ABHD13: variants seen among roughly 807,000 people sequenced by gnomAD.
ABHD13 encodes protein ABHD13.
ABHD13 carries 7 observed loss-of-function variants against 25.2 expected under a neutral mutation model. That is an observed-to-expected ratio of 0.28 (90% CI 0.16 to 0.52). The LOEUF (loss-of-function observed/expected upper bound fraction) is 0.52, where lower values mean the gene tolerates loss of function less well. ABHD13 is among the 20% of genes least tolerant of loss of function. The pLI is 0.96. For missense variants in ABHD13, 302 were observed against 402.7 expected, an observed-to-expected ratio of 0.75 and a Z score of 2.14; for synonymous variants, 133 against 136.1, an observed-to-expected ratio of 0.98 and a Z score of 0.16.
intron 1 of ABHD13, among the ~76,000 whole-genome samples, chr13:108,220,173 T>C (rs7322498): frequency 0.33 from 50,588 of 151,994 alleles, 8,656 homozygotes; most frequent in Admixed American, 0.42. Context: ...AGACCATGAC[T>C]CAAAACACTG....
chr13:108,223,860 C>G (rs935764854), intron 1 of ABHD13, among the ~76,000 whole-genome samples: 3 of 152,164 alleles, frequency 2.0e-5, no homozygotes, highest in African/African-American at 7.2e-5. Context: ...CTAAATTCCT[C>G]TATGCTATCC....
In ABHD13 at chr13:108,229,105, T is replaced by TA. The variant is rs970240663; in HGVS notation, c.-20-93dup. On this transcript the variant is annotated intron_variant, in intron 1 of 1. Coordinates refer to ENST00000375898, the MANE Select transcript of ABHD13 (RefSeq NM_032859.3). The surrounding 1 kb of genome is among the most constrained non-coding windows in gnomAD (Gnocchi z 4.7). ...TGTACCTATTACCATATTTAACAATTACATGTGGCCTAGTACCATAGTTTA... is the reference window on the plus strand; with the variant it reads ...TGTACCTATTACCATATTTAACAATTAACATGTGGCCTAGTACCATAGTTTA... 4 of 908,366 alleles carry TA rather than the reference T, an allele frequency of 4.4e-6. No homozygotes were observed. In the African/African-American group the frequency reaches 6.9e-5, roughly 16 times the overall value. 56.3% of individuals were successfully genotyped at this position (908,366 alleles called of 1,614,324 possible).
In ABHD13 at chr13:108,229,605, C is replaced by T; in HGVS notation, c.387C>T (p.His129=). The part of the protein sequence containing the change: ...YFHGNAGNIG[H]RLPNALLMLV... ...ATGGGAATGCAGGCAACATAGGTCA[C>T]AGGTTGCCAAATGCATTACTTATGT... Residue 129 remains histidine (H), a synonymous_variant, in exon 2 of 2, where the codon CAC becomes CAT. Coordinates refer to ENST00000375898, the MANE Select transcript of ABHD13 (RefSeq NM_032859.3). This position sits in a 1 kb window ranked among gnomAD's most constrained non-coding sequence, Gnocchi z 4.7. 1.2e-6 allele frequency: 2 copies of T among 1,613,308 alleles called. No homozygotes were observed. The highest frequency in any genetic ancestry group is 1.7e-6 in the Non-Finnish European group (2 of 1,179,568).
Position 108,218,628 on chromosome 13 carries a change from C to G in ABHD13, c.-52C>G, listed in dbSNP as rs1420659760. On this transcript the variant is annotated 5_prime_UTR_variant, in exon 1 of 2. Coordinates refer to ENST00000375898, the MANE Select transcript of ABHD13 (RefSeq NM_032859.3). ...TGCGCGGCGCCCGGTTTCGTGCCCG[C>G]GGCCGACTGCGCAGCCTGTCCGCGA... 6.6e-6 allele frequency: 1 copy of G among 151,912 alleles called. No homozygotes were observed. The highest frequency in any genetic ancestry group is 2.4e-5 in the African/African-American group (1 of 41,414). The allele number at this position is 151,912 out of a possible 1,614,324, so 9.4% of individuals were successfully genotyped here.
At chr13:108,222,749 A>G (rs976029363) in intron 1 of ABHD13, among the ~76,000 whole-genome samples, 1 of 152,242 alleles carries the variant, frequency 6.6e-6, no homozygotes, top group Non-Finnish European at 1.5e-5. Flanking sequence ...AAATAGCAGT[A>G]GTAAGTTCAT....
chr13:108,230,262 TTTAA>T lies in ABHD13; in HGVS notation c.*33_*36del. On this transcript the variant is annotated 3_prime_UTR_variant, in exon 2 of 2. Transcript: ENST00000375898. ...TCCCTTTTTGATTATTGCATTGTATTTTAATTTGTGCAGAATGATAAAGAATGTT... is the reference window on the plus strand; with the variant it reads ...TCCCTTTTTGATTATTGCATTGTATTTTTGTGCAGAATGATAAAGAATGTT... 1 of 1,493,354 alleles carries T rather than the reference TTTAA, an allele frequency of 6.7e-7. No individual in the cohort carries two copies. The highest frequency in any genetic ancestry group is 9.0e-7 in the Non-Finnish European group (1 of 1,108,530). 92.5% of individuals were successfully genotyped at this position (1,493,354 alleles called of 1,614,324 possible).
In ABHD13 at chr13:108,232,195, A is replaced by G. The variant is rs1015840786; in HGVS notation, c.*1963A>G. The G allele has an allele frequency of 6.0e-6, 1 of 166,852 alleles. No homozygotes were observed. Among genetic ancestry groups the G allele is most frequent in the African/African-American group, 2.4e-5 (1 of 41,430 alleles). 10.3% of individuals were successfully genotyped at this position (166,852 alleles called of 1,614,324 possible). On this transcript the variant is annotated 3_prime_UTR_variant, in exon 2 of 2. Transcript: ENST00000375898. ...TTAGTTCTAAATATGCTCATGAGGT[A>G]TAAAAGCTATTTCTTCATCAGTATT...
chr13:108,220,010 T>C (rs1019752055), intron 1 of ABHD13, among the ~76,000 whole-genome samples: 5 of 152,242 alleles, frequency 3.3e-5, no homozygotes, highest in Admixed American at 1.3e-4. Context: ...TTAAGTAATT[T>C]AAATTTTGTC....
Position 108,227,306 on chromosome 13 carries a change from A to C in ABHD13, c.-20-1893A>C, listed in dbSNP as rs185664614. Among the ~76,000 whole-genome samples, 159 of 152,254 alleles carry C rather than the reference A, an allele frequency of 1.0e-3. 2 individuals are homozygous for C. The highest frequency in any genetic ancestry group is 7.7e-3 in the South Asian group (37 of 4,828). On this transcript the variant is annotated intron_variant, in intron 1 of 1. Transcript: ENST00000375898. ...AATTGAATAATTCGTATATGTAATT[A>C]GATTATTTTAAAAATGTTTTAGTCG...
chr13:108,226,015 A>G (rs1022893393), intron 1 of ABHD13, among the ~76,000 whole-genome samples: 3 of 152,182 alleles, frequency 2.0e-5, no homozygotes, highest in Admixed American at 1.3e-4. Flanking sequence ...GACACGTTTT[A>G]TAGGTGTTTT....
Position 108,230,337 on chromosome 13 carries a change from T to A in ABHD13, c.*105T>A. The A allele has an allele frequency of 1.9e-6, 2 of 1,033,120 alleles. No homozygotes were observed. The highest frequency in any genetic ancestry group is 2.7e-6 in the Non-Finnish European group (2 of 731,664). The allele number at this position is 1,033,120 out of a possible 1,614,324, so 64.0% of individuals were successfully genotyped here. A position where few individuals can be genotyped will look rare whatever the true frequency, so the allele number is the denominator to read the frequency against. ...TCTGTACCTGTCTGAAGAGTGACAT[T>A]AAACTTTGAAAGGACTTCACTGCTC... On this transcript the variant is annotated 3_prime_UTR_variant, in exon 2 of 2. Coordinates refer to ENST00000375898, the MANE Select transcript of ABHD13 (RefSeq NM_032859.3).
Position 108,229,483 on chromosome 13 carries a change from A to G in ABHD13, c.265A>G (p.Ile89Val), listed in dbSNP as rs754404874. The G allele has an allele frequency of 5.0e-6, 8 of 1,613,408 alleles. No homozygotes were observed. The highest frequency in any genetic ancestry group is 6.8e-6 in the Non-Finnish European group (8 of 1,179,610). The stretch of plus-strand genomic sequence containing the variant: ...GCCCACTGGCATTCCACATGAAAAC[A>G]TTTTCATCAGAACCAAAGATGGAAT... ...PMPTGIPHENIFIRTKDGIRL... is the reference protein window; with the variant it reads ...PMPTGIPHENVFIRTKDGIRL... The change falls in exon 2 of 2, where the codon ATT becomes GTT. Residue 89 changes from isoleucine (I) to valine (V), a missense_variant. Transcript: ENST00000375898. This position sits in a 1 kb window ranked among gnomAD's most constrained non-coding sequence, Gnocchi z 4.7.
chr13:108,229,663 G>A lies in ABHD13; in HGVS notation c.445G>A (p.Asp149Asn). ...CCTCAAAGTTAACCTTTTGCTGGTTGATTATCGAGGATATGGAAAAAGTGA... is the reference window on the plus strand; with the variant it reads ...CCTCAAAGTTAACCTTTTGCTGGTTAATTATCGAGGATATGGAAAAAGTGA... ...VNLKVNLLLV[D>N]YRGYGKSEGE... The change falls in exon 2 of 2, where the codon GAT becomes AAT. Residue 149 changes from aspartate (D) to asparagine (N), a missense_variant. By Grantham distance (23) the Asp-to-Asn change is conservative. Coordinates refer to ENST00000375898, the MANE Select transcript of ABHD13 (RefSeq NM_032859.3). The surrounding 1 kb of genome is among the most constrained non-coding windows in gnomAD (Gnocchi z 4.7). The A allele has an allele frequency of 6.2e-7, 1 of 1,613,344 alleles. No homozygotes were observed. Among genetic ancestry groups the A allele is most frequent in the Non-Finnish European group, 8.5e-7 (1 of 1,179,568 alleles).
Position 108,229,871 on chromosome 13 carries a change from C to G in ABHD13, c.653C>G (p.Thr218Arg). 1 of 1,613,448 alleles carries G rather than the reference C, an allele frequency of 6.2e-7. No individual in the cohort carries two copies. The highest frequency in any genetic ancestry group is 8.5e-7 in the Non-Finnish European group (1 of 1,179,496). Residue 218 changes from threonine to arginine, a missense_variant, in exon 2 of 2, where the codon ACA (threonine) becomes AGA (arginine). Transcript: ENST00000375898. This position sits in a 1 kb window ranked among gnomAD's most constrained non-coding sequence, Gnocchi z 4.7. ...HRISAIMVEN[T>R]FLSIPHMAST... The stretch of plus-strand genomic sequence containing the variant: ...ATTTCAGCCATTATGGTGGAGAACA[C>G]ATTTTTAAGCATACCACATATGGCC...
intron 1 of ABHD13, among the ~76,000 whole-genome samples, chr13:108,222,994 A>T (rs984947116): frequency 3.3e-5 from 5 of 152,210 alleles, no homozygotes; most frequent in African/African-American, 1.2e-4. Flanking sequence ...CCATCACCCA[A>T]CAGGAGGCAC....
In ABHD13 at chr13:108,233,148, A is replaced by G. The variant is rs1879843440; in HGVS notation, c.*2916A>G. 6.0e-6 allele frequency: 1 copy of G among 166,836 alleles called. No individual in the cohort carries two copies. Among genetic ancestry groups the G allele is most frequent in the Admixed American group, 6.6e-5 (1 of 15,254 alleles). The allele number at this position is 166,836 out of a possible 1,614,324, so 10.3% of individuals were successfully genotyped here. ...GCTGCTTAAATTTATGATTACCTGTAGACACTTGATATTTACATAGATTAC... is the reference window on the plus strand; with the variant it reads ...GCTGCTTAAATTTATGATTACCTGTGGACACTTGATATTTACATAGATTAC... On this transcript the variant is annotated 3_prime_UTR_variant, in exon 2 of 2. Transcript: ENST00000375898.
chr13:108,226,396 G>A (rs1879672556), intron 1 of ABHD13, among the ~76,000 whole-genome samples: 1 of 152,054 alleles, frequency 6.6e-6, no homozygotes, highest in African/African-American at 2.4e-5. Flanking sequence ...ACTTCCCACT[G>A]GGCATGTTTA....
At position 108,233,900 on chromosome 13, in the gene ABHD13, C is replaced by T. The variant is rs1036774222; in HGVS notation, c.*3668C>T. ...TGAGACACTTTTTTACAAAAAGTGC[C>T]GTATATACATATGTAACAGGTGAGT... On this transcript the variant is annotated 3_prime_UTR_variant, in exon 2 of 2. Transcript: ENST00000375898. 4 of 166,420 alleles carry T rather than the reference C, an allele frequency of 2.4e-5. No individual in the cohort carries two copies. Among genetic ancestry groups the T allele is most frequent in the African/African-American group, 4.8e-5 (2 of 41,308 alleles). 10.3% of individuals were successfully genotyped at this position (166,420 alleles called of 1,614,324 possible).
At chr13:108,221,589 A>G (rs12430753) in intron 1 of ABHD13, among the ~76,000 whole-genome samples, 3,064 of 152,148 alleles carry the variant, frequency 0.02, 134 homozygotes, top group Admixed American at 0.11. Flanking sequence ...ATGTATGAAC[A>G]GTTTTTATTT....
Sources: allele counts gnomAD v4.1 joint callset (sites outside exome capture counted in the v4.1 genomes callset), GRCh38; gene constraint gnomAD v4.1.1; non-coding constraint Gnocchi (gnomAD v3.1); transcripts MANE v1.5; gene names NCBI Gene and HGNC (gene_info 2026-07-23, HGNC 2026-07-21).